The following CNR2 variants were observed in gnomAD, a reference collection of about 807,000 sequenced individuals.
The protein encoded by CNR2 is cannabinoid receptor 2 (macrophage).
For synonymous variants in CNR2, 172 were observed against 182.2 expected (o/e 0.94, Z 0.45); for missense variants, 379 against 439.9 (o/e 0.86, Z 1.24).
In CNR2 at chr1:23,871,556, C is replaced by T. The variant is rs1639765939; in HGVS notation, c.*2979G>A. On this transcript the variant is annotated 3_prime_UTR_variant, in exon 2 of 2. Transcript: ENST00000374472. ...TGACCAGATCCCTTCAGATGCTCTG[C>T]TGGGTCCTGACTGAGCACTGGGGAT... 3 of 152,222 alleles carry T rather than the reference C, an allele frequency of 2.0e-5. No individual in the cohort carries two copies. The allele number at this position is 152,222 out of a possible 1,614,324, so 9.4% of individuals were successfully genotyped here.
At chr1:23,890,612 G>T (rs950636143) in intron 1 of CNR2, among the ~76,000 whole-genome samples, 6 of 152,006 alleles carry the variant, frequency 3.9e-5, no homozygotes, top group Middle Eastern at 3.4e-3. Flanking sequence ...GGGCGTGGTG[G>T]TGCACTCTTG....
intron 1 of CNR2, among the ~76,000 whole-genome samples, chr1:23,903,133 C>T (rs138514908): frequency 0.032 from 4,795 of 152,174 alleles, 95 homozygotes; most frequent in Non-Finnish European, 0.047. Flanking sequence ...GTGCCCCTAC[C>T]ACCCCCGCCC....
In CNR2 at chr1:23,874,405, A is replaced by C. The variant is rs1639825204; in HGVS notation, c.*130T>G. On this transcript the variant is annotated 3_prime_UTR_variant, in exon 2 of 2. Coordinates refer to ENST00000374472, the MANE Select transcript of CNR2 (RefSeq NM_001841.3). ...CCAGGAGTCAGTCCCAACACTCATC[A>C]GCAAAAAGGGGTCCGTGTCTAGGTG... 9.7e-7 allele frequency: 1 copy of C among 1,035,234 alleles called. No homozygotes were observed. The highest frequency in any genetic ancestry group is 2.3e-5 in the Admixed American group (1 of 43,474). 64.1% of individuals were successfully genotyped at this position (1,035,234 alleles called of 1,614,324 possible).
chr1:23,890,483 C>A (rs1282870786), intron 1 of CNR2, among the ~76,000 whole-genome samples: 3 of 151,736 alleles, frequency 2.0e-5, no homozygotes, highest in African/African-American at 7.3e-5. Context: ...AGGTGGCTCA[C>A]GCTTATAATC....
chr1:23,878,713 ATG>A (rs1360022533), intron 1 of CNR2, among the ~76,000 whole-genome samples: 3 of 152,224 alleles, frequency 2.0e-5, no homozygotes, highest in African/African-American at 7.2e-5. Context: ...TTCCATGTTC[ATG>A]TATATCATAT....
At chr1:23,901,375 A>T in intron 1 of CNR2, 2 of 1,075,292 alleles carry the variant, frequency 1.9e-6, no homozygotes, top group Non-Finnish European at 2.6e-6. Flanking sequence ...AAAGAGAGAC[A>T]AGGTTAAGTG....
chr1:23,907,559 C>T lies in CNR2; in HGVS notation c.-46+5687G>A, dbSNP rs190427756. Among the ~76,000 whole-genome samples the T allele has an allele frequency of 4.0e-3, 598 of 150,910 alleles. 2 individuals carry two copies. Among genetic ancestry groups the T allele is most frequent in the Non-Finnish European group, 6.3e-3 (424 of 67,572 alleles). ...GGGCTGAAGTGCAGTGGCGTGATCT[C>T]GGCTCACTGCAACCTCTGCCGCCCG... On this transcript the variant is annotated intron_variant, in intron 1 of 1. Coordinates refer to ENST00000374472, the MANE Select transcript of CNR2 (RefSeq NM_001841.3).
chr1:23,902,237 C>G (rs1570720452), intron 1 of CNR2: 1 of 1,349,192 alleles, frequency 7.4e-7, no homozygotes, highest in East Asian at 2.4e-5. Context: ...TGACAATGAT[C>G]TCCAACGTCT....
intron 1 of CNR2, 148 bp downstream of exon 1, chr1:23,913,098 C>CGGAGGT (rs59416608): frequency 0.93 from 143,748 of 154,940 alleles, 67,549 homozygotes; most frequent in East Asian, 1. Context: ...ACCTGTGAGG[C>CGGAGGT]TGCACTGAGC....
chr1:23,880,492 C>G (rs1427219629), intron 1 of CNR2, among the ~76,000 whole-genome samples: 1 of 151,990 alleles, frequency 6.6e-6, no homozygotes, highest in Non-Finnish European at 1.5e-5. Context: ...AGCTCTTTTG[C>G]TTTTCTTTAC....
chr1:23,889,059 T>C (rs901227957), intron 1 of CNR2, among the ~76,000 whole-genome samples: 1 of 152,048 alleles, frequency 6.6e-6, no homozygotes, highest in Non-Finnish European at 1.5e-5. Context: ...AATACCACTG[T>C]TCAGAAACCA....
chr1:23,885,710 T>C (rs1438716032), intron 1 of CNR2, among the ~76,000 whole-genome samples: 1 of 151,418 alleles, frequency 6.6e-6, no homozygotes, highest in Non-Finnish European at 1.5e-5. Context: ...AAACACTGTC[T>C]CTACTAAAAC....
chr1:23,911,440 C>T (rs1025619310), intron 1 of CNR2, among the ~76,000 whole-genome samples: 1 of 152,058 alleles, frequency 6.6e-6, no homozygotes, highest in Non-Finnish European at 1.5e-5. Context: ...GGGCATCCAT[C>T]GTAGGAGGAC....
intron 1 of CNR2, among the ~76,000 whole-genome samples, chr1:23,900,306 G>A (rs1343760940): frequency 6.6e-6 from 1 of 152,080 alleles, no homozygotes; most frequent in African/African-American, 2.4e-5. Context: ...TGCTGGTGGA[G>A]ACTGATTTGA....
At chr1:23,877,126 T>G (rs940573091) in intron 1 of CNR2, among the ~76,000 whole-genome samples, 2 of 143,292 alleles carry the variant, frequency 1.4e-5, no homozygotes, top group Non-Finnish European at 3.0e-5. Flanking sequence ...TTCAATAACT[T>G]CATATAATTC....
At chr1:23,902,565 T>C (rs534342013) in intron 1 of CNR2, 5 of 1,608,174 alleles carry the variant, frequency 3.1e-6, no homozygotes, top group South Asian at 1.1e-5. Flanking sequence ...AATTTCAGAT[T>C]TGACTTCCGC....
intron 1 of CNR2, among the ~76,000 whole-genome samples, chr1:23,900,247 T>C (rs183345531): frequency 1.3e-5 from 2 of 152,214 alleles, no homozygotes; most frequent in East Asian, 3.9e-4. Context: ...CCTGGCTCAC[T>C]GGCTCCCCGC....
chr1:23,892,743 G>A (rs1235990504), intron 1 of CNR2, among the ~76,000 whole-genome samples: 1 of 151,856 alleles, frequency 6.6e-6, no homozygotes, highest in African/African-American at 2.4e-5. Flanking sequence ...TAGGCTGGGG[G>A]TGGTGGCTCA....
At chr1:23,892,630 A>C (rs1640208695) in intron 1 of CNR2, among the ~76,000 whole-genome samples, 1 of 152,132 alleles carries the variant, frequency 6.6e-6, no homozygotes, top group Non-Finnish European at 1.5e-5. Flanking sequence ...TCGGTTCTTG[A>C]TTTATTTATT....
Sources: allele counts gnomAD v4.1 joint callset (sites outside exome capture counted in the v4.1 genomes callset), GRCh38; gene constraint gnomAD v4.1.1; transcripts MANE v1.5; gene names NCBI Gene and HGNC (gene_info 2026-07-23, HGNC 2026-07-21).